AFG2A: variants seen among roughly 807,000 people sequenced by gnomAD.
The protein encoded by AFG2A is AAA ATPase AFG2A.
the AFG2A span, among the ~76,000 whole-genome samples, chr4:123,111,877 C>T: frequency 6.6e-6 from 1 of 152,060 alleles, no homozygotes; most frequent in Non-Finnish European, 1.5e-5. Flanking sequence ...GCTGGGATTA[C>T]AGGCATGTGC....
At chr4:122,929,653 C>G in the AFG2A span, among the ~76,000 whole-genome samples, 1 of 151,752 alleles carries the variant, frequency 6.6e-6, no homozygotes, top group South Asian at 2.1e-4. Flanking sequence ...GAGCTGGGAT[C>G]GCGCCACTGC....
chr4:123,157,096 A>G, the AFG2A span, among the ~76,000 whole-genome samples: 1 of 151,638 alleles, frequency 6.6e-6, no homozygotes. Flanking sequence ...GCTCACTGCA[A>G]CCTCCACCTC....
At chr4:123,183,456 G>A in the AFG2A span, among the ~76,000 whole-genome samples, 50 of 152,204 alleles carry the variant, frequency 3.3e-4, no homozygotes, top group Middle Eastern at 3.4e-3. Context: ...AAAATAGAAC[G>A]TGAATAAAAG....
the AFG2A span, among the ~76,000 whole-genome samples, chr4:123,115,112 C>T: frequency 6.6e-6 from 1 of 152,126 alleles, no homozygotes; most frequent in Non-Finnish European, 1.5e-5. Flanking sequence ...CAGCCTGGAG[C>T]AGGGCTCCAG....
chr4:122,941,529 T>C, the AFG2A span, among the ~76,000 whole-genome samples: 1,772 of 152,346 alleles, frequency 0.012, 2 homozygotes, highest in African/African-American at 0.04. Context: ...TAAGGAAGTT[T>C]TGGGCTGAGA....
At chr4:123,243,546 A>G in the AFG2A span, among the ~76,000 whole-genome samples, 26 of 152,192 alleles carry the variant, frequency 1.7e-4, no homozygotes, top group Admixed American at 7.2e-4. Context: ...GAATTGAACA[A>G]TGAGAACACT....
the AFG2A span, among the ~76,000 whole-genome samples, chr4:123,305,038 C>G: frequency 1.4e-3 from 207 of 152,302 alleles, no homozygotes; most frequent in African/African-American, 4.8e-3. Flanking sequence ...GCTGGTTAAA[C>G]TAGGTGAATG....
chr4:122,933,450 T>C, the AFG2A span: 11 of 1,612,226 alleles, frequency 6.8e-6, no homozygotes, highest in East Asian at 1.1e-4. Flanking sequence ...GACAAAGATA[T>C]GGAAATTAAT....
the AFG2A span, among the ~76,000 whole-genome samples, chr4:123,021,607 T>C: frequency 6.6e-6 from 1 of 152,248 alleles, no homozygotes; most frequent in African/African-American, 2.4e-5. Flanking sequence ...TCTCAGTGTG[T>C]CTCACAGAGA....
chr4:123,224,673 G>C, the AFG2A span, among the ~76,000 whole-genome samples: 1,702 of 152,138 alleles, frequency 0.011, 31 homozygotes, highest in African/African-American at 0.038. Context: ...ATAAACATAC[G>C]TGTGCATGTG....
chr4:123,223,691 C>T, the AFG2A span, among the ~76,000 whole-genome samples: 2 of 152,126 alleles, frequency 1.3e-5, no homozygotes, highest in African/African-American at 4.8e-5. Context: ...CCCACCAGGC[C>T]CCACCTCCAA....
the AFG2A span, among the ~76,000 whole-genome samples, chr4:123,117,324 A>G: frequency 6.6e-5 from 10 of 151,840 alleles, no homozygotes; most frequent in East Asian, 9.6e-4. Context: ...ATATGTAACC[A>G]CACATGTGTA....
At chr4:123,045,356 A>G in the AFG2A span, among the ~76,000 whole-genome samples, 2 of 152,196 alleles carry the variant, frequency 1.3e-5, no homozygotes, top group African/African-American at 4.8e-5. Context: ...TGTAACCATA[A>G]AATTAGAAAT....
the AFG2A span, among the ~76,000 whole-genome samples, chr4:123,206,122 C>G: frequency 6.6e-6 from 1 of 152,126 alleles, no homozygotes; most frequent in Non-Finnish European, 1.5e-5. Context: ...TAGGTTGATA[C>G]ACTCAGAGGA....
At chr4:123,234,210 G>A in the AFG2A span, among the ~76,000 whole-genome samples, 2,140 of 152,150 alleles carry the variant, frequency 0.014, 60 homozygotes, top group African/African-American at 0.048. Context: ...TGGGATAGCA[G>A]TATGGAATAA....
At chr4:123,314,232 A>G in the AFG2A span, 11 of 454,078 alleles carry the variant, frequency 2.4e-5, no homozygotes, top group Non-Finnish European at 4.1e-5. Flanking sequence ...ATGTAAGTAC[A>G]GTGAAAATAT....
At chr4:123,108,882 G>T in the AFG2A span, among the ~76,000 whole-genome samples, 5 of 151,984 alleles carry the variant, frequency 3.3e-5, no homozygotes, top group Admixed American at 6.6e-5. Context: ...TTTTAAATAT[G>T]TGTGTTTTTT....
At chr4:122,996,878 A>G in the AFG2A span, among the ~76,000 whole-genome samples, 2 of 152,106 alleles carry the variant, frequency 1.3e-5, no homozygotes, top group African/African-American at 4.8e-5. Flanking sequence ...ATATCCAAGG[A>G]CAGGTAAAGA....
chr4:122,937,335 A>C, the AFG2A span, among the ~76,000 whole-genome samples: 1 of 152,110 alleles, frequency 6.6e-6, no homozygotes, highest in Non-Finnish European at 1.5e-5. Flanking sequence ...ATAGGTGAGC[A>C]CCACCATGCC....
Sources: allele counts gnomAD v4.1 joint callset (sites outside exome capture counted in the v4.1 genomes callset), GRCh38; gene constraint gnomAD v4.1.1; transcripts MANE v1.5; gene names NCBI Gene and HGNC (gene_info 2026-07-23, HGNC 2026-07-21).